Variants in MBNL3 observed in about 807,000 individuals in gnomAD.
MBNL3 encodes muscleblind-like protein 3.
MBNL3 carries 6 observed loss-of-function variants against 24.5 expected under a neutral mutation model. That is an observed-to-expected ratio of 0.25 (90% CI 0.13 to 0.48). The LOEUF (loss-of-function observed/expected upper bound fraction) is 0.48, where lower values mean the gene tolerates loss of function less well. Ranked by LOEUF, MBNL3 falls within the 20% of genes least tolerant of loss-of-function variation. MBNL3 has a pLI of 0.99. For synonymous variants in MBNL3, 100 were observed against 101.7 expected (o/e 0.98, Z 0.10); for missense variants, 230 against 293.5 (o/e 0.78, Z 1.58).
intron 1 of MBNL3, among the ~76,000 whole-genome samples, chrX:132,449,229 A>G (rs762099596): frequency 5.4e-5 from 6 of 111,450 alleles, no homozygotes; most frequent in Admixed American, 4.8e-4. Context: ...TAATATTGAC[A>G]GTGGGGTGTT....
At chrX:132,475,300 C>G (rs778257343) in intron 1 of MBNL3, among the ~76,000 whole-genome samples, 71 of 111,999 alleles carry the variant, frequency 6.3e-4, no homozygotes, top group Non-Finnish European at 1.0e-3. Flanking sequence ...TTTGTTACAT[C>G]AAGATGGGTA....
chrX:132,485,778 G>C (rs1239752722), intron 1 of MBNL3, among the ~76,000 whole-genome samples: 1 of 112,466 alleles, frequency 8.9e-6, no homozygotes, highest in Non-Finnish European at 1.9e-5. Context: ...CATTTTAGCT[G>C]AGGCTCGGGT....
chrX:132,483,744 A>G (rs1337604624), intron 1 of MBNL3, among the ~76,000 whole-genome samples: 1 of 111,967 alleles, frequency 8.9e-6, no homozygotes, highest in African/African-American at 3.2e-5. Flanking sequence ...GTGGATCTGA[A>G]ATGACAGCTC....
chrX:132,463,795 C>A (rs1946755158), intron 1 of MBNL3, among the ~76,000 whole-genome samples: 1 of 112,327 alleles, frequency 8.9e-6, no homozygotes, highest in African/African-American at 3.2e-5. Context: ...AGAACTCAAT[C>A]AATTGCATAG....
intron 3 of MBNL3, among the ~76,000 whole-genome samples, chrX:132,394,621 TGAAA>T (rs780587951): frequency 7.2e-4 from 81 of 112,386 alleles, no homozygotes; most frequent in African/African-American, 2.3e-3. Flanking sequence ...ATTTTTGAAC[TGAAA>T]GAAAGACCTG....
chrX:132,381,018 C>CA (rs200570179), intron 8 of MBNL3, among the ~76,000 whole-genome samples: 3,538 of 105,969 alleles, frequency 0.033, 52 homozygotes, highest in Non-Finnish European at 0.04. Flanking sequence ...GTTTGATCTT[C>CA]AAAAAAAAAA....
intron 1 of MBNL3, among the ~76,000 whole-genome samples, chrX:132,467,686 G>A (rs1304666174): frequency 1.8e-5 from 2 of 111,803 alleles, no homozygotes; most frequent in Non-Finnish European, 3.8e-5. Context: ...GTAAACCCCA[G>A]ACTAAGTCGC....
At chrX:132,417,483 C>A (rs1943403593) in intron 2 of MBNL3, among the ~76,000 whole-genome samples, 1 of 111,581 alleles carries the variant, frequency 9.0e-6, no homozygotes, top group South Asian at 3.7e-4. Context: ...AATTAGTTAG[C>A]TTCAAAATCT....
chrX:132,489,599 C>T (rs1948186557), upstream of MBNL3, among the ~76,000 whole-genome samples: 3 of 111,993 alleles, frequency 2.7e-5, no homozygotes, highest in Admixed American at 2.8e-4. Flanking sequence ...GGGCTGGGGC[C>T]GCGCCTCCGT....
intron 1 of MBNL3, among the ~76,000 whole-genome samples, chrX:132,484,924 TACACAC>T (rs2148553830): frequency 9.7e-6 from 1 of 102,739 alleles, no homozygotes; most frequent in East Asian, 3.1e-4. Flanking sequence ...AAAGGGAGAA[TACACAC>T]GCGCACACAC....
At chrX:132,445,588 T>C (rs1033118739) in intron 1 of MBNL3, among the ~76,000 whole-genome samples, 1 of 111,426 alleles carries the variant, frequency 9.0e-6, no homozygotes, top group African/African-American at 3.3e-5. Context: ...TAAGTCAACT[T>C]ATTCTATTTT....
chrX:132,474,328 TTGAG>T (rs1947331284), intron 1 of MBNL3, among the ~76,000 whole-genome samples: 1 of 111,867 alleles, frequency 8.9e-6, no homozygotes, highest in Non-Finnish European at 1.9e-5. Flanking sequence ...TTCATTTTCA[TTGAG>T]TATGTGCTGT....
At chrX:132,431,939 C>A (rs1944774702) in intron 2 of MBNL3, 1 of 111,813 alleles carries the variant, frequency 8.9e-6, no homozygotes, top group African/African-American at 3.3e-5. Flanking sequence ...TACATACTTA[C>A]ATATGCCTGT....
rs752172992 is a variant in MBNL3 at position 132,377,807 on chromosome X, T to TTATATA, written c.*1853_*1858dup. The stretch of plus-strand genomic sequence containing the variant: ...TCATTTTCATGAAGGAGAAAAACCA[T>TTATATA]TATATATATATATATATATGTATAT... On this transcript the variant is annotated 3_prime_UTR_variant, in exon 9 of 9. Transcript: ENST00000370853. 9.6e-6 allele frequency: 1 copy of TTATATA among 104,477 alleles called. No homozygotes were observed. Among genetic ancestry groups the TTATATA allele is most frequent in the East Asian group, 3.0e-4 (1 of 3,379 alleles). The allele number at this position is 104,477 out of a possible 1,213,427, so 8.6% of individuals were successfully genotyped here.
At position 132,372,783 on chromosome X, in the gene MBNL3, A is replaced by G. The variant is rs1453424439; in HGVS notation, c.*6883T>C. 2.7e-5 allele frequency: 3 copies of G among 111,335 alleles called. No individual in the cohort carries two copies. Among genetic ancestry groups the G allele is most frequent in the Non-Finnish European group, 3.8e-5 (2 of 52,941 alleles). The allele number at this position is 111,335 out of a possible 1,213,427, so 9.2% of individuals were successfully genotyped here. A position where few individuals can be genotyped will look rare whatever the true frequency, so the allele number is the denominator to read the frequency against. ...TTACAGAGGTATTTTTTAAAAAACT[A>G]ATATGATGTAGATGCCTAGCAAGGA... On this transcript the variant is annotated 3_prime_UTR_variant, in exon 9 of 9. Transcript: ENST00000370853.
chrX:132,419,089 G>A (rs1189328237), intron 2 of MBNL3, among the ~76,000 whole-genome samples: 2 of 112,888 alleles, frequency 1.8e-5, no homozygotes, highest in African/African-American at 6.4e-5. Context: ...GTAACCAAAT[G>A]TTAGAAATAG....
At chrX:132,443,811 T>C (rs1945516028) in intron 1 of MBNL3, among the ~76,000 whole-genome samples, 1 of 111,091 alleles carries the variant, frequency 9.0e-6, no homozygotes, top group Admixed American at 9.6e-5. Context: ...TACCTTGGAA[T>C]TACATTGAGA....
At chrX:132,411,796 C>T (rs1343313839) in intron 2 of MBNL3, among the ~76,000 whole-genome samples, 2 of 111,576 alleles carry the variant, frequency 1.8e-5, no homozygotes, top group African/African-American at 3.3e-5. Context: ...GCCTGTATAA[C>T]GGCAGAACTA....
chrX:132,431,833 C>A (rs759875406), intron 2 of MBNL3: 1 of 111,733 alleles, frequency 8.9e-6, no homozygotes, highest in Non-Finnish European at 1.9e-5. Context: ...TTCATCCTAA[C>A]CTTCCCTTTT....
Sources: gnomAD v4.1 joint callset for allele counts (sites outside exome capture counted in the v4.1 genomes callset) on GRCh38, gnomAD v4.1.1 for gene constraint, MANE v1.5 for transcripts, NCBI Gene and HGNC (gene_info 2026-07-23, HGNC 2026-07-21) for gene names.